The following TSC2 variants were observed in gnomAD, a reference collection of about 807,000 sequenced individuals.
TSC2 encodes the protein tuberin.
In TSC2, 29 loss-of-function variants were observed where a neutral mutation model predicts 202.2. That is an observed-to-expected ratio of 0.14 (90% confidence interval 0.11 to 0.20). TSC2 has a LOEUF of 0.20. Ranked by LOEUF, TSC2 falls within the 10% of genes least tolerant of loss-of-function variation. The pLI, the probability that TSC2 is intolerant of heterozygous loss-of-function variation, is 1.00. For missense variants in TSC2, 2,429 were observed against 2,420.0 expected, an observed-to-expected ratio of 1.00 and a Z score of -0.08; for synonymous variants, 1,349 against 1,044.0, an observed-to-expected ratio of 1.29 and a Z score of -5.63.
At position 2,084,932 on chromosome 16, in the gene TSC2, C is replaced by T. The variant is rs779772312; in HGVS notation, c.4494-19C>T. 11 of 1,613,054 alleles carry T rather than the reference C, an allele frequency of 6.8e-6. No homozygotes were observed. Among genetic ancestry groups the T allele is most frequent in the Non-Finnish European group, 9.3e-6 (11 of 1,179,948 alleles). On this transcript the variant is annotated intron_variant, in intron 34 of 41. Coordinates refer to ENST00000219476, the MANE Select transcript of TSC2 (RefSeq NM_000548.5). ...GGCCAGGCCCTCACCTGGGTGCCCA[C>T]CATCCCCTCCCTGTGCAGTTTCGTG...
At chr16:2,051,714 C>G (rs1187325622) in intron 3 of TSC2, among the ~76,000 whole-genome samples, 2 of 152,322 alleles carry the variant, frequency 1.3e-5, no homozygotes, top group East Asian at 3.9e-4. Flanking sequence ...ATTGCTACCT[C>G]TGCAGCAGCT....
Position 2,072,860 on chromosome 16 carries a change from A to G in TSC2, c.2232A>G (p.Pro744=), listed in dbSNP as rs1259596608. The change falls in exon 21 of 42, where the codon CCA becomes CCG. Residue 744 remains proline, a synonymous_variant. Coordinates refer to ENST00000219476, the MANE Select transcript of TSC2 (RefSeq NM_000548.5). ...CSALCSMLSG[P]KTLERLRGAP... ...GATTTGGTCATCAGCTTTCAGGCCC[A>G]AAGACACTGGAGCGGCTCCGAGGCG... 6.2e-7 allele frequency: 1 copy of G among 1,613,550 alleles called. No individual in the cohort carries two copies. Among genetic ancestry groups the G allele is most frequent in the African/African-American group, 1.3e-5 (1 of 74,938 alleles).
At chr16:2,076,310 G>T (rs2089358640) in intron 24 of TSC2, 140 bp downstream of exon 24, 3 of 1,558,904 alleles carry the variant, frequency 1.9e-6, no homozygotes, top group Admixed American at 3.8e-5. Flanking sequence ...GGCGCTGGGG[G>T]CTCTGCTGGG....
rs878854120 is a variant in TSC2, at chr16:2,056,228, C to T, written c.632C>T (p.Ser211Phe). The T allele has an allele frequency of 6.2e-7, 1 of 1,614,084 alleles. No homozygotes were observed. Among genetic ancestry groups the T allele is most frequent in the Admixed American group, 1.7e-5 (1 of 60,028 alleles). ...MICLLCVRTASSVDIEVSLQV... is the reference protein window; with the variant it reads ...MICLLCVRTAFSVDIEVSLQV... ...TGTCTGCTGTGCGTCCGGACCGCGT[C>T]CTCTGTGGACATAGAGGTCAGTGCC... Residue 211 changes from serine to phenylalanine, a missense_variant, in exon 7 of 42, where the codon TCC becomes TTC. Transcript: ENST00000219476.
rs895981838 is a variant in TSC2 at position 2,088,879 on chromosome 16, G to GCGCA, written c.*271_*274dup. 1.1e-4 allele frequency: 50 copies of GCGCA among 469,718 alleles called. No individual in the cohort carries two copies. Among genetic ancestry groups the GCGCA allele is most frequent in the South Asian group, 3.8e-4 (18 of 47,404 alleles). 29.1% of individuals were successfully genotyped at this position (469,718 alleles called of 1,614,324 possible). A position where few individuals can be genotyped will look rare whatever the true frequency, so the allele number is the denominator to read the frequency against. Reference sequence around the variant, plus strand: ...ATACAGCACACTCGCGCGTGCGCGCGCGCACACACACACACACACAGTCAC... The same window carrying GCGCA: ...ATACAGCACACTCGCGCGTGCGCGCGCGCACGCACACACACACACACACAGTCAC... On this transcript the variant is annotated 3_prime_UTR_variant, in exon 42 of 42. Transcript: ENST00000219476.
chr16:2,059,509 GTT>G (rs34881847), intron 10 of TSC2, among the ~76,000 whole-genome samples: 4 of 63,542 alleles, frequency 6.3e-5, no homozygotes, highest in African/African-American at 1.9e-4. Flanking sequence ...CTGGCTAATG[GTT>G]TTTTTTTTTT....
intron 2 of TSC2, among the ~76,000 whole-genome samples, chr16:2,049,816 C>G (rs1046797565): frequency 3.3e-5 from 5 of 151,520 alleles, no homozygotes; most frequent in African/African-American, 1.2e-4. Flanking sequence ...AAGAGCAAAA[C>G]TCCGTCTAAA....
chr16:2,063,118 T>G lies in TSC2; in HGVS notation c.1443+65T>G, dbSNP rs115599333. Reference sequence around the variant, plus strand: ...TTTCTCCGTGGGCGGGCTGTCTCTGTTGTGCACGTGCTCCCGCAGAGCCGG... The same window carrying G: ...TTTCTCCGTGGGCGGGCTGTCTCTGGTGTGCACGTGCTCCCGCAGAGCCGG... On this transcript the variant is annotated intron_variant, in intron 14 of 41. Transcript: ENST00000219476. 1,607 of 1,528,832 alleles carry G rather than the reference T, an allele frequency of 1.1e-3. 17 individuals carry two copies. The African/African-American group carries it at 0.02, about 19-fold the overall frequency. The allele number at this position is 1,528,832 out of a possible 1,614,324, so 94.7% of individuals were successfully genotyped here. A position where few individuals can be genotyped will look rare whatever the true frequency, so the allele number is the denominator to read the frequency against.
chr16:2,088,872 T>G lies in TSC2; in HGVS notation c.*262T>G. ...CTGGGCCATACAGCACACTCGCGCG[T>G]GCGCGCGCGCACACACACACACACA... On this transcript the variant is annotated 3_prime_UTR_variant, in exon 42 of 42. Coordinates refer to ENST00000219476, the MANE Select transcript of TSC2 (RefSeq NM_000548.5). 3 of 500,464 alleles carry G rather than the reference T, an allele frequency of 6.0e-6. No homozygotes were observed. The highest frequency in any genetic ancestry group is 1.1e-5 in the Non-Finnish European group (3 of 276,950). 31.0% of individuals were successfully genotyped at this position (500,464 alleles called of 1,614,324 possible).
Position 2,050,387 on chromosome 16 carries a change from C to A in TSC2, c.139-13C>A. 6.2e-7 allele frequency: 1 copy of A among 1,613,566 alleles called. No homozygotes were observed. Among genetic ancestry groups the A allele is most frequent in the Non-Finnish European group, 8.5e-7 (1 of 1,179,696 alleles). ...GAGCACTGGCCCCTTTTTCTTCTTT[C>A]ATCTCTCTCCAGGAACTGAGCATGG... On this transcript the variant is annotated splice_polypyrimidine_tract_variant and intron_variant, in intron 2 of 41. Coordinates refer to ENST00000219476, the MANE Select transcript of TSC2 (RefSeq NM_000548.5).
chr16:2,077,936 C>T (rs1332071250), intron 26 of TSC2, among the ~76,000 whole-genome samples: 1 of 152,186 alleles, frequency 6.6e-6, no homozygotes, highest in Admixed American at 6.5e-5. Flanking sequence ...ATCCCCAGGC[C>T]CCCTCGGGGT....
At chr16:2,080,486 CTTTTG>C in intron 30 of TSC2, 109 bp downstream of exon 30, 6 of 1,339,370 alleles carry the variant, frequency 4.5e-6, no homozygotes, top group Non-Finnish European at 5.1e-6. Flanking sequence ...TTGGGGGTAA[CTTTTG>C]TTTTTTTTTT....
chr16:2,084,662 A>C lies in TSC2; in HGVS notation c.4440A>C (p.Leu1480Phe). The C allele has an allele frequency of 6.3e-7, 1 of 1,598,910 alleles. No individual in the cohort carries two copies. Among genetic ancestry groups the C allele is most frequent in the Non-Finnish European group, 8.5e-7 (1 of 1,179,840 alleles). ...RRGKRVERDALKSRATASNAE... is the reference protein window; with the variant it reads ...RRGKRVERDAFKSRATASNAE... Reference sequence around the variant, plus strand: ...GCAAGAGAGTAGAGAGGGACGCCTTAAAGAGCAGAGCCACAGCCTCCAATG... The same window carrying C: ...GCAAGAGAGTAGAGAGGGACGCCTTCAAGAGCAGAGCCACAGCCTCCAATG... The change falls in exon 34 of 42, where the codon TTA (leucine) becomes TTC (phenylalanine). Residue 1480 changes from leucine to phenylalanine, a missense_variant. Physicochemically the swap from Leu to Phe is conservative, Grantham distance 22. Coordinates refer to ENST00000219476, the MANE Select transcript of TSC2 (RefSeq NM_000548.5).
intron 17 of TSC2, 89 bp downstream of exon 17, chr16:2,070,667 A>G: frequency 1.3e-6 from 2 of 1,591,894 alleles, no homozygotes; most frequent in Non-Finnish European, 1.7e-6. Flanking sequence ...AGCTGCAGAG[A>G]CGGCCCCAGG....
In TSC2 at chr16:2,056,676, C is replaced by T. The variant is rs45443205; in HGVS notation, c.681C>T (p.Cys227=). 108 of 1,612,328 alleles carry T rather than the reference C, an allele frequency of 6.7e-5. No individual in the cohort carries two copies. The African/African-American group carries it at 1.1e-3, about 17-fold the overall frequency. The change falls in exon 8 of 42, where the codon TGC becomes TGT. Residue 227 remains cysteine, a synonymous_variant. Coordinates refer to ENST00000219476, the MANE Select transcript of TSC2 (RefSeq NM_000548.5). ...VSLQVLDAVV[C]YNCLPAESLP... Reference sequence around the variant, plus strand: ...TGCAGGTGCTGGACGCCGTGGTCTGCTACAACTGCCTGCCGGCTGAGAGCC... The same window carrying T: ...TGCAGGTGCTGGACGCCGTGGTCTGTTACAACTGCCTGCCGGCTGAGAGCC...
At chr16:2,049,734 G>A (rs998165592) in intron 2 of TSC2, among the ~76,000 whole-genome samples, 1 of 151,556 alleles carries the variant, frequency 6.6e-6, no homozygotes, top group Non-Finnish European at 1.5e-5. Context: ...GCTGAGACGA[G>A]AATTGCTTGA....
chr16:2,088,872 T>C lies in TSC2; in HGVS notation c.*262T>C, dbSNP rs950575369. ...CTGGGCCATACAGCACACTCGCGCGTGCGCGCGCGCACACACACACACACA... is the reference window on the plus strand; with the variant it reads ...CTGGGCCATACAGCACACTCGCGCGCGCGCGCGCGCACACACACACACACA... On this transcript the variant is annotated 3_prime_UTR_variant, in exon 42 of 42. Coordinates refer to ENST00000219476, the MANE Select transcript of TSC2 (RefSeq NM_000548.5). 3.8e-5 allele frequency: 19 copies of C among 500,404 alleles called. No homozygotes were observed. The highest frequency in any genetic ancestry group is 2.4e-4 in the Admixed American group (7 of 28,640). 31.0% of individuals were successfully genotyped at this position (500,404 alleles called of 1,614,324 possible).
intron 14 of TSC2, chr16:2,063,659 G>T: frequency 4.5e-6 from 1 of 221,426 alleles, no homozygotes; most frequent in Non-Finnish European, 9.1e-6. Context: ...CCTCTCCCCA[G>T]CGTCCACTGT....
At chr16:2,053,887 T>G in intron 4 of TSC2, 1 of 459,138 alleles carries the variant, frequency 2.2e-6, no homozygotes, top group Non-Finnish European at 4.3e-6. Context: ...GTCGGCCACT[T>G]CTACTCCTTC....
Sources: allele counts gnomAD v4.1 joint callset (sites outside exome capture counted in the v4.1 genomes callset), GRCh38; gene constraint gnomAD v4.1.1; transcripts MANE v1.5; gene names NCBI Gene and HGNC (gene_info 2026-07-23, HGNC 2026-07-21).